The following MAPK9 variants were observed in gnomAD, a reference collection of about 807,000 sequenced individuals.
MAPK9 encodes the protein mitogen-activated protein kinase 9, also known as Jun kinase.
Under a neutral mutation model 57.1 loss-of-function variants are expected in MAPK9, and 30 were observed. The ratio of observed to expected loss-of-function variants is 0.53; its 90% CI spans 0.39 to 0.71. The LOEUF is 0.71. Among genes scored for constraint, MAPK9 ranks in the 30% least tolerant of loss-of-function variants. The pLI, the probability that MAPK9 is intolerant of heterozygous loss-of-function variation, is 0.00. For missense variants in MAPK9, 362 were observed against 521.0 expected, an observed-to-expected ratio of 0.69 and a Z score of 2.97; for synonymous variants, 155 against 177.0, an observed-to-expected ratio of 0.88 and a Z score of 0.99.
chr5:180,276,773 G>A (rs1761861604), intron 2 of MAPK9, among the ~76,000 whole-genome samples: 2 of 152,194 alleles, frequency 1.3e-5, no homozygotes. Flanking sequence ...AGAATCACTT[G>A]AACCCGCGAG....
chr5:180,241,608 A>G (rs1757666891), intron 8 of MAPK9, among the ~76,000 whole-genome samples: 1 of 152,220 alleles, frequency 6.6e-6, no homozygotes, highest in African/African-American at 2.4e-5. Flanking sequence ...CATAACCCAA[A>G]CATTTTTAAG....
Position 180,249,537 on chromosome 5 carries a change from C to T in MAPK9, c.451-399G>A, listed in dbSNP as rs1299743041. On this transcript the variant is annotated intron_variant, in intron 5 of 11. Transcript: ENST00000452135. ...CCTCATGCTGTCAGTCCAGCACACA[C>T]GGCCCCCTCCTGCTCTCCACGCCTG... 2.7e-5 allele frequency among the ~76,000 whole-genome samples: 4 copies of T among 150,550 alleles called. No homozygotes were observed. In the East Asian group the frequency reaches 7.8e-4, roughly 29 times the overall value.
chr5:180,264,871 T>C, intron 3 of MAPK9, 32 bp from the exon 4 acceptor site: 6 of 1,474,606 alleles, frequency 4.1e-6, no homozygotes, highest in Non-Finnish European at 5.5e-6. Context: ...TACTTCAATA[T>C]GTCAGATTAC....
At position 180,241,187 on chromosome 5, in the gene MAPK9, G is replaced by A. The variant is rs201894839; in HGVS notation, c.872-32C>T. 3.8e-6 allele frequency: 6 copies of A among 1,587,516 alleles called. No homozygotes were observed. In the African/African-American group the frequency reaches 4.1e-5, roughly 11 times the overall value. On this transcript the variant is annotated intron_variant, in intron 8 of 11. Coordinates refer to ENST00000452135, the MANE Select transcript of MAPK9 (RefSeq NM_002752.5). Reference sequence around the variant, plus strand: ...TGACAACAAATATTAAATTAATGCTGTTAATATGAAACAAACAGAATCATA... The same window carrying A: ...TGACAACAAATATTAAATTAATGCTATTAATATGAAACAAACAGAATCATA...
At chr5:180,240,031 A>G in intron 9 of MAPK9, 44 bp from the exon 10 acceptor site, 1 of 1,486,970 alleles carries the variant, frequency 6.7e-7, no homozygotes, top group Non-Finnish European at 9.3e-7. Flanking sequence ...ATGCCTCAAA[A>G]AAAAATGAGG....
chr5:180,242,445 G>A (rs941531265), intron 8 of MAPK9, 128 bp downstream of exon 8: 6 of 794,686 alleles, frequency 7.6e-6, no homozygotes, highest in South Asian at 1.9e-5. Context: ...CAGTGCCTTC[G>A]TACCTCAGAC....
At chr5:180,248,859 G>GT (rs1758384833) in intron 6 of MAPK9, 114 bp downstream of exon 6, 2 of 1,045,054 alleles carry the variant, frequency 1.9e-6, no homozygotes, top group Non-Finnish European at 2.6e-6. Flanking sequence ...TATTCTGGGT[G>GT]TAACAGTCCC....
intron 2 of MAPK9, among the ~76,000 whole-genome samples, chr5:180,273,811 T>G (rs1761579078): frequency 6.6e-6 from 1 of 152,224 alleles, no homozygotes. Context: ...TGACTCTGTT[T>G]CAGGGCTAGT....
At chr5:180,244,038 G>A (rs1050249179) in intron 7 of MAPK9, among the ~76,000 whole-genome samples, 1 of 152,122 alleles carries the variant, frequency 6.6e-6, no homozygotes, top group African/African-American at 2.4e-5. Flanking sequence ...TAGTAGAGAT[G>A]GGGTTTCGCC....
rs1758855405 is a variant in MAPK9 at position 180,252,843 on chromosome 5, G to T, written c.451-3705C>A. On this transcript the variant is annotated intron_variant, in intron 5 of 11. Transcript: ENST00000452135. ...AATAACAGGAAAGGGTAGGGAAAGA[G>T]CCAGCAGAGAGACCACAGTGACAGG... Among the ~76,000 whole-genome samples, 3 of 152,188 alleles carry T rather than the reference G, an allele frequency of 2.0e-5. No individual in the cohort carries two copies. In the South Asian group the frequency reaches 6.2e-4, roughly 32 times the overall value.
Position 180,269,267 on chromosome 5 carries a change from A to T in MAPK9, c.252+13T>A. On this transcript the variant is annotated intron_variant, in intron 3 of 11. Coordinates refer to ENST00000452135, the MANE Select transcript of MAPK9 (RefSeq NM_002752.5). ...ATATGGAAGCACACAGACAAAATAC[A>T]TACATAACTTACATTTTTATGATTG... The T allele has an allele frequency of 6.2e-7, 1 of 1,612,186 alleles. No individual in the cohort carries two copies.
chr5:180,272,739 C>T (rs1263953857), intron 2 of MAPK9, among the ~76,000 whole-genome samples: 2 of 152,118 alleles, frequency 1.3e-5, no homozygotes, highest in Admixed American at 1.3e-4. Flanking sequence ...TATCACATTA[C>T]GTTGATAGAT....
At chr5:180,266,227 A>G (rs965425391) in intron 3 of MAPK9, among the ~76,000 whole-genome samples, 4 of 152,148 alleles carry the variant, frequency 2.6e-5, no homozygotes. Context: ...ATAAAATATC[A>G]TTTATTTATC....
At chr5:180,265,339 C>T (rs940450709) in intron 3 of MAPK9, among the ~76,000 whole-genome samples, 2 of 152,162 alleles carry the variant, frequency 1.3e-5, no homozygotes, top group Non-Finnish European at 2.9e-5. Context: ...TGTGTCCCCA[C>T]CCAAATCTCA....
intron 2 of MAPK9, among the ~76,000 whole-genome samples, chr5:180,270,858 C>CAAAAAA (rs761904802): frequency 7.4e-5 from 6 of 81,258 alleles, no homozygotes; most frequent in Non-Finnish European, 9.7e-5. Context: ...CCCAGGGTCT[C>CAAAAAA]AAAAAAAAAA....
intron 1 of MAPK9, among the ~76,000 whole-genome samples, chr5:180,288,917 A>G (rs1043517772): frequency 7.9e-5 from 12 of 152,236 alleles, no homozygotes; most frequent in African/African-American, 2.9e-4. Context: ...TATATGTTTG[A>G]AAGTTCCCAT....
intron 1 of MAPK9, among the ~76,000 whole-genome samples, chr5:180,285,322 C>T (rs1052766116): frequency 6.6e-6 from 1 of 152,192 alleles, no homozygotes; most frequent in Non-Finnish European, 1.5e-5. Flanking sequence ...AAGTTCCTCC[C>T]AAAGCACCAT....
At chr5:180,283,097 G>A (rs1011264147) in intron 1 of MAPK9, among the ~76,000 whole-genome samples, 17 of 152,236 alleles carry the variant, frequency 1.1e-4, no homozygotes, top group Non-Finnish European at 2.2e-4. Flanking sequence ...CGACACAGGC[G>A]CTGAGGTGCT....
chr5:180,262,924 C>T (rs1248953115), intron 4 of MAPK9: 1 of 152,416 alleles, frequency 6.6e-6, no homozygotes, highest in Non-Finnish European at 1.5e-5. Context: ...GCAACTGGTC[C>T]TTGACCCTCT....
Sources: gnomAD v4.1 joint callset for allele counts (sites outside exome capture counted in the v4.1 genomes callset) on GRCh38, gnomAD v4.1.1 for gene constraint, MANE v1.5 for transcripts, NCBI Gene and HGNC (gene_info 2026-07-23, HGNC 2026-07-21) for gene names.